Variants in NACA observed in about 807,000 individuals in gnomAD.
The protein encoded by NACA is nascent polypeptide-associated complex subunit alpha.
In NACA, 42 loss-of-function variants were observed where a neutral mutation model predicts 86.4. That is an observed-to-expected ratio of 0.49 (90% CI 0.38 to 0.63). NACA has a LOEUF of 0.63. NACA is among the 20% of genes least tolerant of loss of function. The pLI is 0.00. For synonymous variants in NACA, 898 were observed against 973.7 expected (o/e 0.92, Z 1.45); for missense variants, 2,157 against 2,483.6 (o/e 0.87, Z 2.80).
intron 1 of NACA, 197 bp from the exon 2 acceptor site, chr12:56,724,720 G>C (rs1343502225): frequency 1.7e-6 from 1 of 577,718 alleles, no homozygotes; most frequent in Non-Finnish European, 3.0e-6. Context: ...ATCAAGGCCA[G>C]CAATTCCCAC....
At chr12:56,722,055 ACT>A (rs1953588944) in intron 2 of NACA, among the ~76,000 whole-genome samples, 1 of 152,154 alleles carries the variant, frequency 6.6e-6, no homozygotes, top group Non-Finnish European at 1.5e-5. Context: ...GAAACATCTG[ACT>A]CTGTTAGAAT....
At chr12:56,723,757 T>C (rs1422331877) in intron 2 of NACA, among the ~76,000 whole-genome samples, 1 of 152,208 alleles carries the variant, frequency 6.6e-6, no homozygotes, top group Non-Finnish European at 1.5e-5. Context: ...AAGGCTATCA[T>C]TTTAAGAACT....
intron 2 of NACA, among the ~76,000 whole-genome samples, chr12:56,722,701 C>CA (rs1462384458): frequency 1.3e-4 from 20 of 152,140 alleles, no homozygotes; most frequent in Non-Finnish European, 2.5e-4. Flanking sequence ...CAAAACAAAA[C>CA]AAACCAAAGA....
rs766052910 is a variant in NACA at position 56,716,333 on chromosome 12, C to G, written c.5197G>C (p.Val1733Leu). Residue 1733 changes from valine (V) to leucine (L), a missense_variant, in exon 3 of 9, where the codon GTG becomes CTG. Around this residue, in one of 8 missense-constraint regions of NACA, gnomAD observed 797 missense variants for 777.6 expected, o/e 1.02. Transcript: ENST00000454682. ...ACAGGGAGTAGAGGGGCTGGAGCCA[C>G]TGTGGAAAGGGGTCCTTTAGAACCA... ...KNGSKGPLSTVAPAPLLPVQK... is the reference protein window; with the variant it reads ...KNGSKGPLSTLAPAPLLPVQK... 1.4e-5 allele frequency: 22 copies of G among 1,612,752 alleles called. No homozygotes were observed. Among genetic ancestry groups the G allele is most frequent in the Non-Finnish European group, 1.9e-5 (22 of 1,179,634 alleles).
chr12:56,715,973 C>A lies in NACA; in HGVS notation c.5557G>T (p.Val1853Leu). ...TTGACGAGGACCGACTGGAAAGGCA[C>A]TCCCCCAGAGATTGGTTCCGGGGGA... ...LIPPEPISGG[V>L]PFQSVLVNMP... Residue 1853 changes from valine (V) to leucine (L), a missense_variant, in exon 3 of 9, where the codon GTG becomes TTG. Around this residue, in one of 8 missense-constraint regions of NACA, gnomAD observed 797 missense variants for 777.6 expected, o/e 1.02. Coordinates refer to ENST00000454682, the MANE Select transcript of NACA (RefSeq NM_001365896.1). 6.4e-7 allele frequency: 1 copy of A among 1,564,306 alleles called. No individual in the cohort carries two copies.
chr12:56,719,357 C>G lies in NACA; in HGVS notation c.2173G>C (p.Val725Leu). The G allele has an allele frequency of 6.2e-7, 1 of 1,609,654 alleles. No homozygotes were observed. The highest frequency in any genetic ancestry group is 1.1e-5 in the South Asian group (1 of 90,076). ...GACTTTGGGATTTCAGGGGCCAGCA[C>G]TAAGGTAGCCAGAGGAGCACAGGTA... is the stretch of plus-strand genomic sequence containing the variant. ...QNTCAPLATL[V>L]LAPEIPKSVP... The change falls in exon 3 of 9, where the codon GTG (valine) becomes CTG (leucine). Residue 725 changes from valine to leucine, a missense_variant. Physicochemically the swap from Val to Leu is conservative, Grantham distance 32 (BLOSUM62 1). Transcript: ENST00000454682.
Position 56,721,282 on chromosome 12 carries a change from G to A in NACA, c.248C>T (p.Pro83Leu), listed in dbSNP as rs773163134. Residue 83 changes from proline to leucine, a missense_variant, in exon 3 of 9, where the codon CCC becomes CTC. Coordinates refer to ENST00000454682, the MANE Select transcript of NACA (RefSeq NM_001365896.1). ...TAGGGCTGTTCCAGAGGATGACTGG[G>A]GAAAAGGAACTTCTAAAGGGGTCGA... is the stretch of plus-strand genomic sequence containing the variant. ...IASTPLEVPF[P>L]QSSSGTALPL... 9.3e-6 allele frequency: 15 copies of A among 1,613,004 alleles called. No homozygotes were observed. Among genetic ancestry groups the A allele is most frequent in the Non-Finnish European group, 1.2e-5 (14 of 1,179,560 alleles).
chr12:56,720,395 G>C lies in NACA; in HGVS notation c.1135C>G (p.Pro379Ala). Residue 379 changes from proline (P) to alanine (A), a missense_variant, in exon 3 of 9, where the codon CCA becomes GCA. Transcript: ENST00000454682. ...ATVAAFPVVA[P>A]SVDKGPSTIS... ...GTAGAGGGACCTTTGTCAACAGATG[G>C]AGCCACCACTGGAAAGGCAGCCACA... 2 of 1,613,938 alleles carry C rather than the reference G, an allele frequency of 1.2e-6. No individual in the cohort carries two copies. The highest frequency in any genetic ancestry group is 1.7e-6 in the Non-Finnish European group (2 of 1,179,872).
At position 56,720,562 on chromosome 12, in the gene NACA, A is replaced by G. The variant is rs1341435646; in HGVS notation, c.968T>C (p.Leu323Ser). ...HQSSFGSVQL[L>S]GQTGPSALSD... ...CAAAGCACTAGGACCTGTTTGACCT[A>G]AAAGTTGGACAGAACCAAAAGAACT... is the stretch of plus-strand genomic sequence containing the variant. The change falls in exon 3 of 9, where the codon TTA (leucine) becomes TCA (serine). Residue 323 changes from leucine (L) to serine (S), a missense_variant. By Grantham distance (145) the Leu-to-Ser change is moderately radical. Around this residue, in one of 8 missense-constraint regions of NACA, gnomAD observed 947 missense variants for 917.9 expected, o/e 1.03. Transcript: ENST00000454682. 1 of 1,614,008 alleles carries G rather than the reference A, an allele frequency of 6.2e-7. No individual in the cohort carries two copies. The highest frequency in any genetic ancestry group is 1.1e-5 in the South Asian group (1 of 91,090).
chr12:56,716,158 G>C lies in NACA; in HGVS notation c.5372C>G (p.Ser1791Cys). The change falls in exon 3 of 9, where the codon TCT becomes TGT. Residue 1791 changes from serine to cysteine, a missense_variant. Physicochemically the swap from Ser to Cys is moderately radical, Grantham distance 112. Around this residue, in one of 8 missense-constraint regions of NACA, gnomAD observed 797 missense variants for 777.6 expected, o/e 1.02. Coordinates refer to ENST00000454682, the MANE Select transcript of NACA (RefSeq NM_001365896.1). ...AGAGACTGGTGGGGAGGGTGCTGCAGAGACAGATGCTGATTCAGGTTTAGG... is the reference window on the plus strand; with the variant it reads ...AGAGACTGGTGGGGAGGGTGCTGCACAGACAGATGCTGATTCAGGTTTAGG... ...VLPKPESASV[S>C]AAPSPPVSLP... 1 of 1,613,600 alleles carries C rather than the reference G, an allele frequency of 6.2e-7. No individual in the cohort carries two copies. Among genetic ancestry groups the C allele is most frequent in the Non-Finnish European group, 8.5e-7 (1 of 1,179,816 alleles).
At position 56,712,537 on chromosome 12, in the gene NACA, G is replaced by C. The variant is rs1953247792; in HGVS notation, c.*1C>G. The C allele has an allele frequency of 6.2e-7, 1 of 1,613,416 alleles. No individual in the cohort carries two copies. The highest frequency in any genetic ancestry group is 8.5e-7 in the Non-Finnish European group (1 of 1,179,772). ...CACCAAAAAAAGTTGCTTCCATATG[G>C]TTACATTGTTAATTCCTGTAACAGA... On this transcript the variant is annotated 3_prime_UTR_variant, in exon 9 of 9. Transcript: ENST00000454682.
At chr12:56,712,613 T>C (rs1953249346) in intron 8 of NACA, 61 bp from the exon 9 acceptor site, 17 of 1,602,872 alleles carry the variant, frequency 1.1e-5, no homozygotes, top group East Asian at 4.5e-5. Context: ...TTCAGGTCAC[T>C]AAAACTCTTA....
In NACA at chr12:56,716,858, G is replaced by A. The variant is rs767315088; in HGVS notation, c.4672C>T (p.Pro1558Ser). ...LIPPAMTVPS[P>S]KKTPAIPTPK... ...GTTGGAATTGCTGGGGTCTTTTTAG[G>A]GGAGGGAACAGTCATAGCTGGGGGA... is the stretch of plus-strand genomic sequence containing the variant. Residue 1558 changes from proline (P) to serine (S), a missense_variant, in exon 3 of 9, where the codon CCT (proline) becomes TCT (serine). Coordinates refer to ENST00000454682, the MANE Select transcript of NACA (RefSeq NM_001365896.1). 1.9e-5 allele frequency: 25 copies of A among 1,335,472 alleles called. No homozygotes were observed. The highest frequency in any genetic ancestry group is 2.4e-5 in the Non-Finnish European group (25 of 1,021,268). 82.7% of individuals were successfully genotyped at this position (1,335,472 alleles called of 1,614,324 possible).
Position 56,717,288 on chromosome 12 carries a change from CT to C in NACA, c.4241del (p.Lys1414ArgfsTer25), listed in dbSNP as rs1565894524. ...SPAVIPLSPK[K>X]APATPVTREG... is the part of the protein sequence containing the mutation. ...CTCTGGTGACTGGAGTTGCTGGAGC[CT>C]TTTTGGGGGAGAGAGGAATCACTGC... On this transcript the variant is annotated frameshift_variant, in exon 3 of 9. Coordinates refer to ENST00000454682, the MANE Select transcript of NACA (RefSeq NM_001365896.1). LOFTEE classifies it high-confidence loss of function. 6 of 1,322,034 alleles carry C rather than the reference CT, an allele frequency of 4.5e-6. No homozygotes were observed. Among genetic ancestry groups the C allele is most frequent in the Middle Eastern group, 2.1e-4 (1 of 4,662 alleles). 81.9% of individuals were successfully genotyped at this position (1,322,034 alleles called of 1,614,324 possible).
chr12:56,717,453 G>C lies in NACA; in HGVS notation c.4077C>G (p.Gly1359=). ...CCTCTTTGGAGGATGGAGTAGTTGG[G>C]CCTCCTTTAGAGGAGGGAGTTGTAG... The part of the protein sequence containing the change: ...LPATTPSSKG[G]PTTPSSKEGP... The change falls in exon 3 of 9, where the codon GGC becomes GGG. Residue 1359 remains glycine, a synonymous_variant. Coordinates refer to ENST00000454682, the MANE Select transcript of NACA (RefSeq NM_001365896.1). The C allele has an allele frequency of 5.1e-6, 7 of 1,376,988 alleles. No individual in the cohort carries two copies. Among genetic ancestry groups the C allele is most frequent in the Admixed American group, 2.2e-5 (1 of 45,322 alleles). 85.3% of individuals were successfully genotyped at this position (1,376,988 alleles called of 1,614,324 possible).
Position 56,713,638 on chromosome 12 carries a change from C to G in NACA, c.5869G>C (p.Val1957Leu). Reference protein sequence around the residue: ...GLRQVTGVTRVTIRKSKNILF... With the variant: ...GLRQVTGVTRLTIRKSKNILF... ...ATATTCTTAGATTTCCGGATAGTGA[C>G]TCTAGTAACTCCTGTAACCTGCCGA... Residue 1957 changes from valine (V) to leucine (L), a missense_variant, in exon 6 of 9, where the codon GTC becomes CTC. Transcript: ENST00000454682. 6.2e-7 allele frequency: 1 copy of G among 1,614,016 alleles called. No individual in the cohort carries two copies. The highest frequency in any genetic ancestry group is 8.5e-7 in the Non-Finnish European group (1 of 1,179,918).
In NACA at chr12:56,716,134, G is replaced by C; in HGVS notation, c.5396C>G (p.Ser1799Cys). 1 of 1,613,554 alleles carries C rather than the reference G, an allele frequency of 6.2e-7. No homozygotes were observed. Among genetic ancestry groups the C allele is most frequent in the Non-Finnish European group, 8.5e-7 (1 of 1,179,762 alleles). Residue 1799 changes from serine to cysteine, a missense_variant, in exon 3 of 9, where the codon TCT becomes TGT. Around this residue, in one of 8 missense-constraint regions of NACA, gnomAD observed 797 missense variants for 777.6 expected, o/e 1.02. Coordinates refer to ENST00000454682, the MANE Select transcript of NACA (RefSeq NM_001365896.1). ...SVSAAPSPPV[S>C]LPLAPSPVPT... ...AACTGGGGAGGGAGCAAGAGGCAGA[G>C]AGACTGGTGGGGAGGGTGCTGCAGA...
In NACA at chr12:56,716,089, T is replaced by C; in HGVS notation, c.5441A>G (p.Gln1814Arg). The change falls in exon 3 of 9, where the codon CAG becomes CGG. Residue 1814 changes from glutamine to arginine, a missense_variant. Around this residue, in one of 8 missense-constraint regions of NACA, gnomAD observed 797 missense variants for 777.6 expected, o/e 1.02. Coordinates refer to ENST00000454682, the MANE Select transcript of NACA (RefSeq NM_001365896.1). ...PSPVPTLPPK[Q>R]QFLPSSPGLV... ...CCCAGGAGAGGACGGCAGAAATTGCTGTTTAGGAGGCAGAGTGGGAACTGG... is the reference window on the plus strand; with the variant it reads ...CCCAGGAGAGGACGGCAGAAATTGCCGTTTAGGAGGCAGAGTGGGAACTGG... The C allele has an allele frequency of 1.2e-6, 2 of 1,612,974 alleles. No homozygotes were observed. The highest frequency in any genetic ancestry group is 1.7e-6 in the Non-Finnish European group (2 of 1,179,408).
intron 2 of NACA, among the ~76,000 whole-genome samples, chr12:56,723,950 C>T (rs1414706303): frequency 6.6e-6 from 1 of 152,156 alleles, no homozygotes; most frequent in East Asian, 1.9e-4. Context: ...AACCCATAAA[C>T]AAGTTATCCG....
Sources: allele counts gnomAD v4.1 joint callset (sites outside exome capture counted in the v4.1 genomes callset), GRCh38; gene constraint gnomAD v4.1.1; regional missense constraint gnomAD v4.1.1; transcripts MANE v1.5; gene names NCBI Gene and HGNC (gene_info 2026-07-23, HGNC 2026-07-21).